The following TBC1D32 variants were observed in gnomAD, a reference collection of about 807,000 sequenced individuals.
TBC1D32 encodes the protein protein broad-minded.
TBC1D32 carries 151 observed loss-of-function variants against 170.3 expected under a neutral mutation model. The observed-to-expected ratio is 0.89, with a 90% CI of 0.78 to 1.01. TBC1D32 has a LOEUF of 1.01. Ranked by LOEUF, TBC1D32 falls within the 50% of genes least tolerant of loss-of-function variation. TBC1D32 has a pLI of 0.00. For synonymous variants in TBC1D32, 498 were observed against 488.0 expected, an observed-to-expected ratio of 1.02 and a Z score of -0.27; for missense variants, 1,464 against 1,457.1, an observed-to-expected ratio of 1.00 and a Z score of -0.08.
At chr6:121,220,424 C>A (rs1794356664) in intron 21 of TBC1D32, among the ~76,000 whole-genome samples, 1 of 152,106 alleles carries the variant, frequency 6.6e-6, no homozygotes, top group Non-Finnish European at 1.5e-5. Context: ...AAGGCTCTAA[C>A]TCTCTTTAGT....
chr6:121,304,706 A>G (rs375296151), intron 6 of TBC1D32, 49 bp downstream of exon 6: 62 of 1,523,930 alleles, frequency 4.1e-5, no homozygotes, highest in Admixed American at 3.1e-4. Flanking sequence ...TCCATTCTTA[A>G]GTACATGCAA....
At chr6:121,239,891 G>C (rs991245486) in intron 19 of TBC1D32, among the ~76,000 whole-genome samples, 2 of 152,100 alleles carry the variant, frequency 1.3e-5, no homozygotes, top group Admixed American at 1.3e-4. Context: ...TATTCGATCA[G>C]AAAGGGTCTT....
intron 25 of TBC1D32, among the ~76,000 whole-genome samples, chr6:121,128,621 C>A (rs1015158814): frequency 6.6e-6 from 1 of 152,102 alleles, no homozygotes; most frequent in Admixed American, 6.6e-5. Flanking sequence ...AAATTATGGG[C>A]CTTCTCCCTT....
rs573194003 is a variant in TBC1D32, at chr6:121,328,594, T to TAA, written c.155+5680_155+5681dup. ...CCACCATGCCCGGCCTCTAGTTTTT[T>TAA]AAGATATAGTCTGTACAACGAATAA... is the stretch of plus-strand genomic sequence containing the variant. On this transcript the variant is annotated intron_variant, in intron 1 of 31. Coordinates refer to ENST00000398212, the MANE Select transcript of TBC1D32 (RefSeq NM_152730.6). 2.3e-3 allele frequency among the ~76,000 whole-genome samples: 348 copies of TAA among 152,262 alleles called. 1 individual carries two copies. The highest frequency in any genetic ancestry group is 8.1e-3 in the African/African-American group (336 of 41,558).
At chr6:121,303,334 T>C (rs1281802062) in intron 9 of TBC1D32, among the ~76,000 whole-genome samples, 1 of 152,176 alleles carries the variant, frequency 6.6e-6, no homozygotes, top group Non-Finnish European at 1.5e-5. Context: ...GAATAGGTCA[T>C]TCAGCTTAGA....
chr6:121,145,076 G>T (rs114923729), intron 24 of TBC1D32, among the ~76,000 whole-genome samples: 1 of 152,176 alleles, frequency 6.6e-6, no homozygotes, highest in African/African-American at 2.4e-5. Flanking sequence ...AGAGAGAATG[G>T]AAAGAGAGTA....
chr6:121,109,174 C>T (rs1254759169), intron 29 of TBC1D32, among the ~76,000 whole-genome samples: 1 of 152,110 alleles, frequency 6.6e-6, no homozygotes, highest in African/African-American at 2.4e-5. Flanking sequence ...ATTCTAATAA[C>T]TGTAAAATTT....
chr6:121,228,536 T>A (rs772774245), intron 20 of TBC1D32, among the ~76,000 whole-genome samples: 15 of 152,298 alleles, frequency 9.8e-5, no homozygotes, highest in Admixed American at 4.6e-4. Context: ...TGTAAGTATG[T>A]GGCTTAATTT....
At chr6:121,215,747 A>G (rs1450233466) in intron 21 of TBC1D32, among the ~76,000 whole-genome samples, 2 of 152,224 alleles carry the variant, frequency 1.3e-5, no homozygotes, top group Non-Finnish European at 2.9e-5. Context: ...AGCATACGAA[A>G]AAAGCACAAT....
chr6:121,226,028 T>A (rs966287102), intron 20 of TBC1D32, among the ~76,000 whole-genome samples: 2 of 152,178 alleles, frequency 1.3e-5, no homozygotes, highest in African/African-American at 4.8e-5. Flanking sequence ...CAACGTTTGA[T>A]ATATTTTTAA....
chr6:121,135,884 C>T (rs1285329499), intron 24 of TBC1D32, among the ~76,000 whole-genome samples: 2 of 152,044 alleles, frequency 1.3e-5, no homozygotes, highest in Non-Finnish European at 2.9e-5. Context: ...ATTATACATC[C>T]ACCCTAACAA....
At chr6:121,245,065 T>C (rs1013310288) in intron 17 of TBC1D32, among the ~76,000 whole-genome samples, 17 of 152,140 alleles carry the variant, frequency 1.1e-4, no homozygotes, top group African/African-American at 3.4e-4. Context: ...AAGGAGAAAA[T>C]GGCTGTGGGA....
At chr6:121,151,170 T>G (rs1047313631) in intron 24 of TBC1D32, among the ~76,000 whole-genome samples, 1 of 152,162 alleles carries the variant, frequency 6.6e-6, no homozygotes, top group Non-Finnish European at 1.5e-5. Context: ...TAACACTGCT[T>G]TAGCTGTGTC....
chr6:121,282,023 T>C (rs1468174381), intron 13 of TBC1D32, among the ~76,000 whole-genome samples: 4 of 151,774 alleles, frequency 2.6e-5, no homozygotes, highest in Non-Finnish European at 5.9e-5. Context: ...AAAACATGTT[T>C]TTCTCCCTAG....
chr6:121,178,988 A>G (rs181388870), intron 22 of TBC1D32, among the ~76,000 whole-genome samples: 41 of 152,326 alleles, frequency 2.7e-4, no homozygotes, highest in Admixed American at 2.6e-3. Context: ...GAACCAGCTA[A>G]GACGTGTCCA....
At chr6:121,185,049 G>GTTT (rs36002031) in intron 22 of TBC1D32, among the ~76,000 whole-genome samples, 15,090 of 146,758 alleles carry the variant, frequency 0.1, 1,024 homozygotes, top group Admixed American at 0.22. Context: ...TATTCTGTAA[G>GTTT]TTTTTTTTTT....
chr6:121,230,774 A>C (rs565638771), intron 20 of TBC1D32, among the ~76,000 whole-genome samples: 1 of 151,730 alleles, frequency 6.6e-6, no homozygotes, highest in South Asian at 2.1e-4. Flanking sequence ...AACAGATTGT[A>C]TGGTGTTTCT....
intron 15 of TBC1D32, among the ~76,000 whole-genome samples, chr6:121,278,329 A>C (rs2128440824): frequency 6.6e-6 from 1 of 152,262 alleles, no homozygotes. Flanking sequence ...ATGAACATAG[A>C]GGCAAAAATC....
chr6:121,124,762 A>G (rs1038438208), intron 26 of TBC1D32, among the ~76,000 whole-genome samples: 1 of 35,864 alleles, frequency 2.8e-5, no homozygotes, highest in Admixed American at 5.4e-4. Context: ...ATTGTCTTCA[A>G]GCTCACTGAT....
Sources: gnomAD v4.1 joint callset for allele counts (sites outside exome capture counted in the v4.1 genomes callset) on GRCh38, gnomAD v4.1.1 for gene constraint, MANE v1.5 for transcripts, NCBI Gene and HGNC (gene_info 2026-07-23, HGNC 2026-07-21) for gene names.